ABI3BP: variants seen among roughly 807,000 people sequenced by gnomAD.
ABI3BP encodes the protein target of Nesh-SH3.
Under a neutral mutation model 268.6 loss-of-function variants are expected in ABI3BP, and 216 were observed. That is an observed-to-expected ratio of 0.80 (90% confidence interval 0.72 to 0.90). The LOEUF (loss-of-function observed/expected upper bound fraction) is 0.90. ABI3BP is among the 40% of genes least tolerant of loss of function. The pLI is 0.00. For missense variants in ABI3BP, 2,090 were observed against 2,182.4 expected (o/e 0.96, Z 0.84); for synonymous variants, 730 against 730.0 (o/e 1.00, Z 0.00).
chr3:100,927,459 A>T (rs1340999342), intron 1 of ABI3BP, among the ~76,000 whole-genome samples: 2 of 150,710 alleles, frequency 1.3e-5, no homozygotes, highest in African/African-American at 4.9e-5. Context: ...CTGTTGTGGC[A>T]CTGCTATAAA....
At chr3:100,791,614 G>A (rs1390892837) in intron 55 of ABI3BP, among the ~76,000 whole-genome samples, 1 of 151,722 alleles carries the variant, frequency 6.6e-6, no homozygotes, top group Non-Finnish European at 1.5e-5. Context: ...AGATGTGAGA[G>A]GGCTGTCAAT....
At chr3:100,842,090 AGATAG>A (rs2098713341) in intron 20 of ABI3BP, 51 bp from the exon 21 acceptor site, 1 of 1,409,052 alleles carries the variant, frequency 7.1e-7, no homozygotes, top group African/African-American at 1.4e-5. Flanking sequence ...GCACCATCTG[AGATAG>A]AAGTGACATG....
At position 100,778,558 on chromosome 3, in the gene ABI3BP, G is replaced by A. The variant is rs2096776348; in HGVS notation, c.4241-182C>T. ...CAGATATTCCTATAAATAAATGTTG[G>A]TAATGTCCCCAGGGACAACAACGCA... On this transcript the variant is annotated intron_variant, in intron 58 of 67. Coordinates refer to ENST00000471714, the MANE Select transcript of ABI3BP (RefSeq NM_001375547.2). 3 of 615,956 alleles carry A rather than the reference G, an allele frequency of 4.9e-6. No individual in the cohort carries two copies. The Admixed American group carries it at 9.0e-5, about 19-fold the overall frequency. The allele number at this position is 615,956 out of a possible 1,614,324, so 38.2% of individuals were successfully genotyped here. A position where few individuals can be genotyped will look rare whatever the true frequency, so the allele number is the denominator to read the frequency against.
At chr3:100,951,810 T>G (rs369438406) in intron 1 of ABI3BP, among the ~76,000 whole-genome samples, 1 of 151,738 alleles carries the variant, frequency 6.6e-6, no homozygotes, top group Non-Finnish European at 1.5e-5. Flanking sequence ...AATTAAAGAG[T>G]GAGTTTTCTT....
chr3:100,789,866 T>C (rs1156757281), intron 55 of ABI3BP, among the ~76,000 whole-genome samples: 4 of 151,972 alleles, frequency 2.6e-5, no homozygotes, highest in Non-Finnish European at 5.9e-5. Context: ...TGTCCATCCA[T>C]CCATCCATCT....
intron 3 of ABI3BP, among the ~76,000 whole-genome samples, chr3:100,902,281 C>A (rs1014837342): frequency 3.3e-5 from 5 of 152,194 alleles, no homozygotes; most frequent in African/African-American, 1.2e-4. Flanking sequence ...TAGGAGCTAA[C>A]CCCAAATGAG....
At chr3:100,828,017 AC>A (rs2098419761) in intron 34 of ABI3BP, among the ~76,000 whole-genome samples, 1 of 152,184 alleles carries the variant, frequency 6.6e-6, no homozygotes. Flanking sequence ...GGATAAAAAA[AC>A]AAACAAAAAT....
Position 100,801,440 on chromosome 3 carries a change from AG to A in ABI3BP, c.3757+3351del, listed in dbSNP as rs1377210786. Among the ~76,000 whole-genome samples, 383 of 122,118 alleles carry A rather than the reference AG, an allele frequency of 3.1e-3. 2 individuals are homozygous for A. Among genetic ancestry groups the A allele is most frequent in the Non-Finnish European group, 4.7e-3 (277 of 59,128 alleles). 80.1% of individuals were successfully genotyped at this position (122,118 alleles called of 152,430 possible). On this transcript the variant is annotated intron_variant, in intron 51 of 67. Coordinates refer to ENST00000471714, the MANE Select transcript of ABI3BP (RefSeq NM_001375547.2). ...GATATCCTGTCAAAAAAAAAAAAAA[AG>A]AAAAGAAAAGAAAAGAAAAAAAGAT...
At chr3:100,983,424 C>G in intron 1 of ABI3BP, among the ~76,000 whole-genome samples, 1 of 152,270 alleles carries the variant, frequency 6.6e-6, no homozygotes, top group East Asian at 1.9e-4. Context: ...AAATCCATTG[C>G]ATATTTACTT....
chr3:100,770,589 T>C (rs1234551287), intron 62 of ABI3BP, among the ~76,000 whole-genome samples, 154 bp downstream of exon 62: 1 of 152,166 alleles, frequency 6.6e-6, no homozygotes. Flanking sequence ...TATGACATTG[T>C]TGACAATAAT....
chr3:100,794,420 G>A (rs1451492363), intron 54 of ABI3BP, among the ~76,000 whole-genome samples: 1 of 151,834 alleles, frequency 6.6e-6, no homozygotes, highest in Non-Finnish European at 1.5e-5. Context: ...GTATTGGGTG[G>A]CACAGAGGCT....
chr3:100,803,983 C>T (rs936945856), intron 51 of ABI3BP, among the ~76,000 whole-genome samples: 6 of 152,114 alleles, frequency 3.9e-5, no homozygotes, highest in Admixed American at 6.6e-5. Context: ...TTCTTTGGCT[C>T]TGGAAATGTT....
chr3:100,943,025 T>C (rs1468359639), intron 1 of ABI3BP, among the ~76,000 whole-genome samples: 5 of 152,156 alleles, frequency 3.3e-5, no homozygotes, highest in Admixed American at 3.3e-4. Flanking sequence ...GAACTATTTC[T>C]GGAGACACAT....
chr3:100,991,562 C>G (rs529069279), intron 1 of ABI3BP, among the ~76,000 whole-genome samples: 1 of 152,302 alleles, frequency 6.6e-6, no homozygotes, highest in East Asian at 1.9e-4. Context: ...GTAGGACAAA[C>G]AGTGCACCTA....
chr3:100,892,073 T>C (rs2044976691), intron 4 of ABI3BP, among the ~76,000 whole-genome samples: 1 of 152,246 alleles, frequency 6.6e-6, no homozygotes, highest in African/African-American at 2.4e-5. Context: ...TACACCTCAT[T>C]TCATGAGCAT....
rs188261339 is a variant in ABI3BP, at chr3:100,905,999, G to T, written c.260-3313C>A. 5.3e-5 allele frequency among the ~76,000 whole-genome samples: 8 copies of T among 152,238 alleles called. No individual in the cohort carries two copies. The East Asian group carries it at 1.5e-3, about 29-fold the overall frequency. On this transcript the variant is annotated intron_variant, in intron 2 of 67. Transcript: ENST00000471714. ...TTTTGTTCTTGGCCCTGCAAGTTAT[G>T]TAACTATCTTAATCAAGTCTACAAA...
chr3:100,818,919 A>T (rs1353950407), intron 40 of ABI3BP, among the ~76,000 whole-genome samples: 1 of 152,234 alleles, frequency 6.6e-6, no homozygotes, highest in Non-Finnish European at 1.5e-5. Context: ...AACTGTTGGC[A>T]TGTTTGTGGA....
chr3:100,829,599 C>G lies in ABI3BP; in HGVS notation c.2524G>C (p.Glu842Gln), dbSNP rs377018370. Reference protein sequence around the residue: ...PKPKTTLSPEELQTELVPATI... With the variant: ...PKPKTTLSPEQLQTELVPATI... ...AATTTACCCAGTTCAGTCTGAAGCT[C>G]TTCGGGACTCAGTGTGGTTTTAGGT... The change falls in exon 33 of 68, where the codon GAG (glutamate) becomes CAG (glutamine). Residue 842 changes from glutamate (E) to glutamine (Q), a missense_variant. Coordinates refer to ENST00000471714, the MANE Select transcript of ABI3BP (RefSeq NM_001375547.2). The G allele has an allele frequency of 9.4e-5, 145 of 1,535,584 alleles. No homozygotes were observed. In the African/African-American group the frequency reaches 1.5e-3, roughly 16 times the overall value.
At chr3:100,932,345 G>A (rs745917927) in intron 1 of ABI3BP, among the ~76,000 whole-genome samples, 1 of 151,906 alleles carries the variant, frequency 6.6e-6, no homozygotes, top group Non-Finnish European at 1.5e-5. Flanking sequence ...GGAGAAGTGG[G>A]ACTTAATTAA....
Sources: allele counts gnomAD v4.1 joint callset (sites outside exome capture counted in the v4.1 genomes callset), GRCh38; gene constraint gnomAD v4.1.1; transcripts MANE v1.5; gene names NCBI Gene and HGNC (gene_info 2026-07-23, HGNC 2026-07-21).